The following TMCC1 variants were observed in gnomAD, a reference collection of about 807,000 sequenced individuals.
TMCC1 encodes the protein transmembrane and coiled-coil domain family 1.
In TMCC1, 15 loss-of-function variants were observed where a neutral mutation model predicts 52.4. The ratio of observed to expected loss-of-function variants is 0.29; its 90% confidence interval spans 0.19 to 0.44. The LOEUF is 0.44. Ranked by LOEUF, TMCC1 falls within the 20% of genes least tolerant of loss-of-function variation. The pLI is 1.00. For missense variants in TMCC1, 503 were observed against 806.0 expected, an observed-to-expected ratio of 0.62 and a Z score of 4.55; for synonymous variants, 279 against 301.9, an observed-to-expected ratio of 0.92 and a Z score of 0.79.
intron 5 of TMCC1, 93 bp downstream of exon 5, chr3:129,670,237 G>A (rs913175647): frequency 8.8e-6 from 12 of 1,368,712 alleles, no homozygotes; most frequent in Middle Eastern, 2.6e-4. Flanking sequence ...ACACTCTAGA[G>A]AAAGATAAAG....
chr3:129,666,980 C>T (rs2087511245), intron 5 of TMCC1, among the ~76,000 whole-genome samples: 1 of 151,622 alleles, frequency 6.6e-6, no homozygotes, highest in African/African-American at 2.4e-5. Flanking sequence ...CAGCTCACTG[C>T]AACCTCCACC....
chr3:129,869,410 C>T (rs924276606), intron 2 of TMCC1, among the ~76,000 whole-genome samples: 1 of 152,024 alleles, frequency 6.6e-6, no homozygotes, highest in Non-Finnish European at 1.5e-5. Context: ...TGAGTCTTTC[C>T]AGTGAATTAA....
At chr3:129,764,417 A>G (rs1001101916) in intron 4 of TMCC1, among the ~76,000 whole-genome samples, 2 of 152,142 alleles carry the variant, frequency 1.3e-5, no homozygotes, top group Middle Eastern at 3.2e-3. Flanking sequence ...AGGCCATAAC[A>G]ATTTCTCCAC....
chr3:129,687,201 C>A (rs1324800558), intron 4 of TMCC1, among the ~76,000 whole-genome samples: 1 of 152,080 alleles, frequency 6.6e-6, no homozygotes, highest in Non-Finnish European at 1.5e-5. Flanking sequence ...TCTGTGGCCA[C>A]TCTAAGCAGC....
intron 4 of TMCC1, among the ~76,000 whole-genome samples, chr3:129,677,359 GA>G (rs1374530929): frequency 6.6e-6 from 1 of 152,182 alleles, no homozygotes; most frequent in Non-Finnish European, 1.5e-5. Flanking sequence ...GTTAATGTGG[GA>G]AAATGTTAAA....
chr3:129,750,195 A>T (rs2052367543), intron 4 of TMCC1, among the ~76,000 whole-genome samples: 1 of 151,914 alleles, frequency 6.6e-6, no homozygotes, highest in Non-Finnish European at 1.5e-5. Flanking sequence ...TTATTTATTT[A>T]TTTACTTATT....
At chr3:129,798,800 ATTCT>A (rs1358661983) in intron 4 of TMCC1, among the ~76,000 whole-genome samples, 26 of 152,358 alleles carry the variant, frequency 1.7e-4, no homozygotes, top group African/African-American at 6.0e-4. Flanking sequence ...AGAAATTATT[ATTCT>A]TTTAGTTACT....
At chr3:129,814,306 C>T (rs868722509) in intron 4 of TMCC1, among the ~76,000 whole-genome samples, 2 of 152,102 alleles carry the variant, frequency 1.3e-5, no homozygotes, top group South Asian at 4.1e-4. Flanking sequence ...TGTTTCTAAT[C>T]TTTTCTTTGT....
At chr3:129,697,057 T>C (rs984937282) in intron 4 of TMCC1, among the ~76,000 whole-genome samples, 3 of 152,172 alleles carry the variant, frequency 2.0e-5, no homozygotes, top group Admixed American at 2.0e-4. Flanking sequence ...GGTGGCCCTC[T>C]TCTAGCAGCT....
At chr3:129,868,587 C>A (rs1478769024) in intron 2 of TMCC1, among the ~76,000 whole-genome samples, 1 of 152,174 alleles carries the variant, frequency 6.6e-6, no homozygotes, top group African/African-American at 2.4e-5. Flanking sequence ...CACAGGTGCA[C>A]ACCATCATGC....
chr3:129,839,988 G>C (rs889237301), intron 2 of TMCC1, among the ~76,000 whole-genome samples: 3 of 150,312 alleles, frequency 2.0e-5, no homozygotes, highest in African/African-American at 7.4e-5. Flanking sequence ...AATGTAAATA[G>C]TCTTACCAGT....
At chr3:129,823,083 T>C (rs543097266) in intron 4 of TMCC1, among the ~76,000 whole-genome samples, 12 of 152,188 alleles carry the variant, frequency 7.9e-5, no homozygotes, top group Non-Finnish European at 1.8e-4. Flanking sequence ...CTCAGCACTT[T>C]GAGAGGCTGA....
intron 3 of TMCC1, among the ~76,000 whole-genome samples, chr3:129,832,433 A>G (rs1394546739): frequency 6.6e-6 from 1 of 152,230 alleles, no homozygotes; most frequent in Non-Finnish European, 1.5e-5. Context: ...CCAGTCAGGC[A>G]TTTCAAATAA....
chr3:129,815,767 A>G (rs1373371351), intron 4 of TMCC1, among the ~76,000 whole-genome samples: 1 of 152,224 alleles, frequency 6.6e-6, no homozygotes, highest in Non-Finnish European at 1.5e-5. Context: ...CATGCTAAAA[A>G]GCTTCTGCAC....
intron 4 of TMCC1, among the ~76,000 whole-genome samples, chr3:129,788,376 TA>T (rs1360145139): frequency 7.2e-5 from 11 of 152,244 alleles, no homozygotes; most frequent in South Asian, 4.1e-4. Context: ...TTTAGCCTAT[TA>T]TTTCCTATAG....
chr3:129,799,743 C>T (rs1357472250), intron 4 of TMCC1, among the ~76,000 whole-genome samples: 1 of 152,072 alleles, frequency 6.6e-6, no homozygotes, highest in African/African-American at 2.4e-5. Context: ...ACCCGGGAGG[C>T]GGAGCTTGCA....
chr3:129,845,192 A>ACACACT (rs2059605044), intron 2 of TMCC1, among the ~76,000 whole-genome samples: 1 of 402 alleles, frequency 2.5e-3, no homozygotes, highest in African/African-American at 2.9e-3. Context: ...TGTCACACTC[A>ACACACT]CACACACACA....
At chr3:129,759,882 C>T (rs1388733571) in intron 4 of TMCC1, among the ~76,000 whole-genome samples, 9 of 151,282 alleles carry the variant, frequency 5.9e-5, no homozygotes, top group African/African-American at 2.2e-4. Context: ...CCACCACGCC[C>T]GGCTAATTTT....
chr3:129,802,356 G>C (rs558350143), intron 4 of TMCC1, among the ~76,000 whole-genome samples: 2 of 152,298 alleles, frequency 1.3e-5, no homozygotes, highest in Admixed American at 6.5e-5. Context: ...ACTTCAAAAA[G>C]TGATACTTGA....
Sources: gnomAD v4.1 joint callset for allele counts (sites outside exome capture counted in the v4.1 genomes callset) on GRCh38, gnomAD v4.1.1 for gene constraint, MANE v1.5 for transcripts, NCBI Gene and HGNC (gene_info 2026-07-23, HGNC 2026-07-21) for gene names.